Variants in EYS observed in about 807,000 individuals in gnomAD.
The protein encoded by EYS is protein eyes shut homolog.
EYS carries 250 observed loss-of-function variants against 282.1 expected under a neutral mutation model. The ratio of observed to expected loss-of-function variants is 0.89; its 90% CI spans 0.80 to 0.98. The LOEUF is 0.98. Ranked by LOEUF, EYS falls within the 50% of genes least tolerant of loss-of-function variation. The pLI, the probability that EYS is intolerant of heterozygous loss-of-function variation, is 0.00. For missense variants in EYS, 4,016 were observed against 3,709.0 expected (o/e 1.08, Z -2.15); for synonymous variants, 1,355 against 1,282.9 (o/e 1.06, Z -1.20).
chr6:65,386,351 C>A (rs185747246), intron 7 of EYS, among the ~76,000 whole-genome samples: 1 of 151,806 alleles, frequency 6.6e-6, no homozygotes, highest in African/African-American at 2.4e-5. Flanking sequence ...AACAAATCCC[C>A]ATGACCCAAG....
intron 13 of EYS, among the ~76,000 whole-genome samples, chr6:65,033,323 T>C (rs1228141802): frequency 1.3e-5 from 2 of 152,178 alleles, no homozygotes; most frequent in African/African-American, 2.4e-5. Context: ...AATCACTTTC[T>C]AGAGATGTTT....
chr6:65,021,749 C>T (rs1460738078), intron 13 of EYS, among the ~76,000 whole-genome samples: 1 of 152,132 alleles, frequency 6.6e-6, no homozygotes, highest in African/African-American at 2.4e-5. Flanking sequence ...GGGGTAATTT[C>T]AAAGGGAAAG....
intron 15 of EYS, among the ~76,000 whole-genome samples, chr6:64,929,711 T>C (rs535784683): frequency 6.6e-6 from 1 of 152,194 alleles, no homozygotes; most frequent in Non-Finnish European, 1.5e-5. Context: ...AAATAATAAT[T>C]ATTTAGTCTT....
intron 31 of EYS, among the ~76,000 whole-genome samples, chr6:64,129,771 A>T (rs187194828): frequency 2.2e-4 from 34 of 152,162 alleles, no homozygotes; most frequent in African/African-American, 8.2e-4. Context: ...TAGGTCTAAC[A>T]TGTAAGTCTT....
At chr6:64,306,312 C>T (rs964974292) in intron 30 of EYS, among the ~76,000 whole-genome samples, 1 of 152,158 alleles carries the variant, frequency 6.6e-6, no homozygotes, top group African/African-American at 2.4e-5. Flanking sequence ...TAACCCACCT[C>T]ACCATGCTAT....
At chr6:64,264,863 C>T (rs1030045836) in intron 30 of EYS, among the ~76,000 whole-genome samples, 1 of 152,018 alleles carries the variant, frequency 6.6e-6, no homozygotes, top group African/African-American at 2.4e-5. Flanking sequence ...AAGGTCGTGC[C>T]ACTGTACTAC....
At chr6:65,588,903 A>G (rs1327962622) in intron 2 of EYS, among the ~76,000 whole-genome samples, 1 of 110,468 alleles carries the variant, frequency 9.1e-6, no homozygotes, top group Non-Finnish European at 1.9e-5. Flanking sequence ...AAAAAGTGAA[A>G]TATATATGAT....
intron 28 of EYS, among the ~76,000 whole-genome samples, chr6:64,390,574 G>C (rs1036679311): frequency 1.3e-5 from 2 of 150,202 alleles, no homozygotes; most frequent in Non-Finnish European, 3.0e-5. Context: ...CTGACTGTTA[G>C]AAGGAAAACT....
intron 39 of EYS, among the ~76,000 whole-genome samples, chr6:63,784,936 C>G (rs1051126984): frequency 1.3e-5 from 2 of 152,098 alleles, no homozygotes; most frequent in Non-Finnish European, 2.9e-5. Flanking sequence ...GACAGTAAGC[C>G]TGTCATTCTA....
At chr6:65,073,352 A>G (rs1009830230) in intron 12 of EYS, among the ~76,000 whole-genome samples, 9 of 151,820 alleles carry the variant, frequency 5.9e-5, no homozygotes, top group African/African-American at 2.2e-4. Flanking sequence ...AAGATCACAG[A>G]CCTATGATCA....
intron 30 of EYS, among the ~76,000 whole-genome samples, chr6:64,297,977 C>CAAAAAAAAAAAAAAA (rs34562408): frequency 2.1e-5 from 2 of 96,454 alleles, no homozygotes; most frequent in African/African-American, 7.7e-5. Flanking sequence ...GATTCTGTCT[C>CAAAAAAAAAAAAAAA]AAAAAAAAAA....
chr6:65,179,458 A>G (rs1190356032), intron 12 of EYS, among the ~76,000 whole-genome samples: 1 of 152,168 alleles, frequency 6.6e-6, no homozygotes, highest in African/African-American at 2.4e-5. Flanking sequence ...TAGAAAATCT[A>G]GAAGAAATGG....
intron 28 of EYS, among the ~76,000 whole-genome samples, chr6:64,430,018 T>C (rs1774527657): frequency 6.6e-6 from 1 of 152,184 alleles, no homozygotes; most frequent in Admixed American, 6.6e-5. Flanking sequence ...AGTAGTTAAA[T>C]AGCTAATTTT....
Position 64,410,606 on chromosome 6 carries a change from T to A in EYS, c.5928-21766A>T, listed in dbSNP as rs141488861. 5.6e-4 allele frequency among the ~76,000 whole-genome samples: 86 copies of A among 152,302 alleles called. 1 individual carries two copies. The highest frequency in any genetic ancestry group is 1.9e-3 in the African/African-American group (79 of 41,568). ...TTTCTTTCACAGTCATATTTAAATC[T>A]AAGAAGCCCAATTCATTGTTGTGTG... On this transcript the variant is annotated intron_variant, in intron 28 of 42. Coordinates refer to ENST00000503581, the MANE Select transcript of EYS (RefSeq NM_001142800.2).
chr6:65,418,116 C>T (rs1324635916), intron 5 of EYS, among the ~76,000 whole-genome samples: 1 of 151,966 alleles, frequency 6.6e-6, no homozygotes, highest in Non-Finnish European at 1.5e-5. Context: ...TGTTACATAT[C>T]CTGTTGTGCA....
chr6:65,289,728 T>A (rs748543538), intron 12 of EYS, among the ~76,000 whole-genome samples: 66 of 151,234 alleles, frequency 4.4e-4, no homozygotes, highest in Admixed American at 1.1e-3. Flanking sequence ...ATCATAGCAG[T>A]ATTTCTGCCA....
intron 19 of EYS, among the ~76,000 whole-genome samples, chr6:64,866,744 T>A (rs72891204): frequency 0.015 from 2,241 of 151,914 alleles, 16 homozygotes; most frequent in Non-Finnish European, 0.022. Flanking sequence ...TTTGTGATTT[T>A]TTTCAATGAC....
At chr6:65,151,445 A>G (rs1204532533) in intron 12 of EYS, among the ~76,000 whole-genome samples, 1 of 151,956 alleles carries the variant, frequency 6.6e-6, no homozygotes, top group Non-Finnish European at 1.5e-5. Context: ...AAGATTGTCA[A>G]GATTTGGGGA....
intron 13 of EYS, among the ~76,000 whole-genome samples, chr6:65,041,206 A>G (rs1772924301): frequency 6.6e-6 from 1 of 151,730 alleles, no homozygotes; most frequent in African/African-American, 2.4e-5. Flanking sequence ...AGAAAGGTAT[A>G]TAGCACAGAT....
Sources: allele counts gnomAD v4.1 joint callset (sites outside exome capture counted in the v4.1 genomes callset), GRCh38; gene constraint gnomAD v4.1.1; transcripts MANE v1.5; gene names NCBI Gene and HGNC (gene_info 2026-07-23, HGNC 2026-07-21).